LRRTM4: variants seen among roughly 807,000 people sequenced by gnomAD.
LRRTM4 encodes the protein leucine rich repeat transmembrane neuronal 4.
LRRTM4 carries 25 observed loss-of-function variants against 47.6 expected under a neutral mutation model. That is an observed-to-expected ratio of 0.53 (90% CI 0.38 to 0.73). LRRTM4 has a LOEUF of 0.73. Among genes scored for constraint, LRRTM4 ranks in the 30% least tolerant of loss-of-function variants. The pLI is 0.00. For synonymous variants in LRRTM4, 311 were observed against 269.5 expected (o/e 1.15, Z -1.51); for missense variants, 638 against 713.4 (o/e 0.89, Z 1.20).
At chr2:76,806,576 C>T (rs551200422) in intron 3 of LRRTM4, among the ~76,000 whole-genome samples, 19 of 149,280 alleles carry the variant, frequency 1.3e-4, no homozygotes, top group Admixed American at 1.1e-3. Context: ...AGGAAAACCC[C>T]GTCTCAAAAC....
chr2:76,993,431 T>C (rs1259941231), intron 3 of LRRTM4, among the ~76,000 whole-genome samples: 2 of 151,664 alleles, frequency 1.3e-5, no homozygotes, highest in Non-Finnish European at 2.9e-5. Flanking sequence ...CCAACCCCAT[T>C]AAAAAATTGG....
At chr2:76,922,455 C>G (rs961098522) in intron 3 of LRRTM4, among the ~76,000 whole-genome samples, 3 of 152,020 alleles carry the variant, frequency 2.0e-5, no homozygotes, top group African/African-American at 7.2e-5. Flanking sequence ...GAATAGCAAG[C>G]CTCCATGATT....
intron 3 of LRRTM4, among the ~76,000 whole-genome samples, chr2:77,342,929 C>G (rs919780979): frequency 6.6e-6 from 1 of 151,952 alleles, no homozygotes; most frequent in South Asian, 2.1e-4. Flanking sequence ...CCATAAGCAC[C>G]TCTCTCAAGG....
At chr2:76,901,887 T>C (rs1433119514) in intron 3 of LRRTM4, among the ~76,000 whole-genome samples, 1 of 152,206 alleles carries the variant, frequency 6.6e-6, no homozygotes, top group African/African-American at 2.4e-5. Context: ...AGTATCATTT[T>C]AACTTCTGAT....
chr2:77,223,506 C>T (rs1003055496), intron 3 of LRRTM4, among the ~76,000 whole-genome samples: 1 of 152,156 alleles, frequency 6.6e-6, no homozygotes, highest in Non-Finnish European at 1.5e-5. Context: ...GCAACTTCGG[C>T]AAAGTCTCAG....
intron 3 of LRRTM4, among the ~76,000 whole-genome samples, chr2:77,075,832 G>C (rs944058616): frequency 4.3e-5 from 6 of 140,054 alleles, no homozygotes; most frequent in African/African-American, 1.6e-4. Context: ...GGAGAATGGC[G>C]TGAACCCGGG....
chr2:76,949,909 T>C (rs942911122), intron 3 of LRRTM4, among the ~76,000 whole-genome samples: 1 of 151,924 alleles, frequency 6.6e-6, no homozygotes, highest in Non-Finnish European at 1.5e-5. Context: ...AGTCCCATTA[T>C]AGCCAAATTA....
intron 3 of LRRTM4, among the ~76,000 whole-genome samples, chr2:76,806,308 G>A (rs1476677260): frequency 1.3e-5 from 2 of 152,166 alleles, no homozygotes; most frequent in African/African-American, 4.8e-5. Flanking sequence ...ACCGGCCCGT[G>A]CGGTGGCTCA....
At chr2:77,219,429 C>T (rs1436191500) in intron 3 of LRRTM4, among the ~76,000 whole-genome samples, 1 of 152,104 alleles carries the variant, frequency 6.6e-6, no homozygotes, top group Non-Finnish European at 1.5e-5. Flanking sequence ...GTCTGAATTT[C>T]TAGAGCACTC....
At chr2:77,308,075 A>T (rs1573228586) in intron 3 of LRRTM4, among the ~76,000 whole-genome samples, 2 of 140,716 alleles carry the variant, frequency 1.4e-5, no homozygotes, top group African/African-American at 5.3e-5. Flanking sequence ...TCTATATAAC[A>T]TATATAGATA....
chr2:76,999,563 A>T (rs1351811734), intron 3 of LRRTM4, among the ~76,000 whole-genome samples: 2 of 152,080 alleles, frequency 1.3e-5, no homozygotes, highest in East Asian at 1.9e-4. Flanking sequence ...CAAAACAGAG[A>T]TACTCCATTT....
intron 3 of LRRTM4, among the ~76,000 whole-genome samples, chr2:77,005,266 T>A (rs1401714976): frequency 6.6e-6 from 1 of 152,112 alleles, no homozygotes; most frequent in Admixed American, 6.5e-5. Context: ...TGCCTCAGCC[T>A]CCTGAGTAGC....
Position 77,018,262 on chromosome 2 carries a change from T to TC in LRRTM4, c.1552-269347_1552-269346insG, listed in dbSNP as rs1478532076. 2.8e-5 allele frequency among the ~76,000 whole-genome samples: 4 copies of TC among 142,184 alleles called. No homozygotes were observed. The East Asian group carries it at 7.9e-4, about 28-fold the overall frequency. The allele number at this position is 142,184 out of a possible 152,430, so 93.3% of individuals were successfully genotyped here. A position where few individuals can be genotyped will look rare whatever the true frequency, so the allele number is the denominator to read the frequency against. ...TGTAATGCTAAGCTCTTGATTGCTT[T>TC]TTTTTTTTTTTTTTTGTCTTTGTTC... On this transcript the variant is annotated intron_variant, in intron 3 of 3. Coordinates refer to ENST00000409884, the MANE Select transcript of LRRTM4 (RefSeq NM_001134745.3).
chr2:76,748,719 G>C lies in LRRTM4; in HGVS notation c.1749C>G (p.Ile583Met). 1 of 1,613,396 alleles carries C rather than the reference G, an allele frequency of 6.2e-7. No individual in the cohort carries two copies. Among genetic ancestry groups the C allele is most frequent in the Non-Finnish European group, 8.5e-7 (1 of 1,179,734 alleles). Residue 583 changes from isoleucine (I) to methionine (M), a missense_variant, in exon 4 of 4, where the codon ATC becomes ATG. By Grantham distance (10) the Ile-to-Met change is conservative. Transcript: ENST00000409884. ...GTTAGTTTGCAATTCTCTCTAGGTA[G>C]ATGGCCGGTGCTGCCGACCTGGCGA... is the stretch of plus-strand genomic sequence containing the variant. ...ATIARSAAPA[I>M]YLERIAN
At chr2:77,071,089 T>C (rs1680140205) in intron 3 of LRRTM4, among the ~76,000 whole-genome samples, 1 of 152,124 alleles carries the variant, frequency 6.6e-6, no homozygotes, top group Non-Finnish European at 1.5e-5. Flanking sequence ...ATAGTACACG[T>C]AGGTAAACAC....
At chr2:77,223,495 A>G (rs1271017710) in intron 3 of LRRTM4, among the ~76,000 whole-genome samples, 1 of 152,212 alleles carries the variant, frequency 6.6e-6, no homozygotes, top group African/African-American at 2.4e-5. Flanking sequence ...TAAGCTGATA[A>G]GCAACTTCGG....
At chr2:76,888,810 C>G (rs1673161076) in intron 3 of LRRTM4, among the ~76,000 whole-genome samples, 1 of 151,646 alleles carries the variant, frequency 6.6e-6, no homozygotes, top group South Asian at 2.1e-4. Context: ...GTTGCCCTGT[C>G]CAAAAGAACA....
intron 3 of LRRTM4, among the ~76,000 whole-genome samples, chr2:76,831,898 C>T (rs1490317230): frequency 6.6e-6 from 1 of 151,986 alleles, no homozygotes; most frequent in Non-Finnish European, 1.5e-5. Context: ...GTTCTGCATA[C>T]CCACATACCC....
At chr2:76,819,770 C>T (rs904025102) in intron 3 of LRRTM4, among the ~76,000 whole-genome samples, 1 of 151,950 alleles carries the variant, frequency 6.6e-6, no homozygotes. Flanking sequence ...GCTCATATTT[C>T]AGCAGTAGAT....
Sources: allele counts gnomAD v4.1 joint callset (sites outside exome capture counted in the v4.1 genomes callset), GRCh38; gene constraint gnomAD v4.1.1; transcripts MANE v1.5; gene names NCBI Gene and HGNC (gene_info 2026-07-23, HGNC 2026-07-21).